JRK: variants seen among roughly 807,000 people sequenced by gnomAD.
JRK encodes the protein Jrk helix-turn-helix protein, also known as jerky protein homolog.
For synonymous variants in JRK, 303 were observed against 218.1 expected (o/e 1.39, Z -3.43); for missense variants, 720 against 509.2 (o/e 1.41, Z -3.98).
At chr8:142,653,242 AGAG>A (rs1194063314), downstream of JRK, among the ~76,000 whole-genome samples, 1 of 152,244 alleles carries the variant, frequency 6.6e-6, no homozygotes, top group African/African-American at 2.4e-5. Context: ...CACCAAGTTA[AGAG>A]GATGAGAGGG....
Position 142,661,108 on chromosome 8 carries a change from G to T in JRK, c.*3244C>A, listed in dbSNP as rs587596762. Reference sequence around the variant, plus strand: ...CGCATGCTCAGCCATGGCTGAGCACGAATGAAGCATATGGAAGTCACGCAC... The same window carrying T: ...CGCATGCTCAGCCATGGCTGAGCACTAATGAAGCATATGGAAGTCACGCAC... On this transcript the variant is annotated 3_prime_UTR_variant, in exon 2 of 2. Coordinates refer to ENST00000612905, the MANE Select transcript of JRK (RefSeq NM_003724.4). 8 of 985,492 alleles carry T rather than the reference G, an allele frequency of 8.1e-6. No individual in the cohort carries two copies. Among genetic ancestry groups the T allele is most frequent in the Non-Finnish European group, 9.6e-6 (8 of 829,974 alleles). The allele number at this position is 985,492 out of a possible 1,614,324, so 61.0% of individuals were successfully genotyped here.
chr8:142,648,230 C>A, the JRK span, among the ~76,000 whole-genome samples: 1 of 152,228 alleles, frequency 6.6e-6, no homozygotes, highest in South Asian at 2.1e-4. Flanking sequence ...ATGCCATTTT[C>A]TGAGGAGAAA....
rs1846783557 is a variant in JRK, at chr8:142,657,660, A to G, written c.*6692T>C. On this transcript the variant is annotated 3_prime_UTR_variant, in exon 2 of 2. Coordinates refer to ENST00000612905, the MANE Select transcript of JRK (RefSeq NM_003724.4). ...AGGCTCTTTTTAACAAACAGTTCTC[A>G]CAGAAACTAATCAAGTGAGAACTCA... 1 of 152,256 alleles carries G rather than the reference A, an allele frequency of 6.6e-6. No individual in the cohort carries two copies. The highest frequency in any genetic ancestry group is 6.5e-5 in the Admixed American group (1 of 15,288). 9.4% of individuals were successfully genotyped at this position (152,256 alleles called of 1,614,324 possible).
At position 142,661,514 on chromosome 8, in the gene JRK, A is replaced by G; in HGVS notation, c.*2838T>C. The G allele has an allele frequency of 2.0e-6, 2 of 985,504 alleles. No homozygotes were observed. Among genetic ancestry groups the G allele is most frequent in the Non-Finnish European group, 2.4e-6 (2 of 829,984 alleles). The allele number at this position is 985,504 out of a possible 1,614,324, so 61.0% of individuals were successfully genotyped here. Reference sequence around the variant, plus strand: ...GAAGCAGCCACAGAGGTCCCAAACCATATGACGCAGCACCTGCTACCCCAC... The same window carrying G: ...GAAGCAGCCACAGAGGTCCCAAACCGTATGACGCAGCACCTGCTACCCCAC... On this transcript the variant is annotated 3_prime_UTR_variant, in exon 2 of 2. Transcript: ENST00000612905.
At chr8:142,668,076 A>AG (rs1847188395) in intron 1 of JRK, among the ~76,000 whole-genome samples, 1 of 152,236 alleles carries the variant, frequency 6.6e-6, no homozygotes, top group African/African-American at 2.4e-5. Context: ...TGCTATGGGC[A>AG]GGGGTCTCCC....
chr8:142,666,352 A>C lies in JRK; in HGVS notation c.-294T>G. 4 of 504,136 alleles carry C rather than the reference A, an allele frequency of 7.9e-6. No homozygotes were observed. Among genetic ancestry groups the C allele is most frequent in the South Asian group, 2.2e-5 (1 of 45,198 alleles). 31.2% of individuals were successfully genotyped at this position (504,136 alleles called of 1,614,324 possible). A position where few individuals can be genotyped will look rare whatever the true frequency, so the allele number is the denominator to read the frequency against. ...TCTGTGGAGGAGGTGACCCTGTCAG[A>C]CTCCCCTCTGCTGCTCCACACGGCT... On this transcript the variant is annotated 5_prime_UTR_variant, in exon 2 of 2. Coordinates refer to ENST00000612905, the MANE Select transcript of JRK (RefSeq NM_003724.4).
At chr8:142,646,976 G>A in the JRK span, among the ~76,000 whole-genome samples, 1 of 152,138 alleles carries the variant, frequency 6.6e-6, no homozygotes, top group Non-Finnish European at 1.5e-5. Context: ...CATATTGAAG[G>A]AAATGACTCT....
At position 142,666,240 on chromosome 8, in the gene JRK, G is replaced by C. The variant is rs1011824823; in HGVS notation, c.-182C>G. On this transcript the variant is annotated 5_prime_UTR_variant, in exon 2 of 2. Coordinates refer to ENST00000612905, the MANE Select transcript of JRK (RefSeq NM_003724.4). ...TCTCGGGTTTCTCACTCCACACGCT[G>C]CACCTCCTGCCTCAGGTATCCCTGG... The C allele has an allele frequency of 9.7e-7, 1 of 1,035,846 alleles. No homozygotes were observed. 64.2% of individuals were successfully genotyped at this position (1,035,846 alleles called of 1,614,324 possible). A position where few individuals can be genotyped will look rare whatever the true frequency, so the allele number is the denominator to read the frequency against.
chr8:142,664,736 C>T lies in JRK; in HGVS notation c.1323G>A (p.Gly441=). The T allele has an allele frequency of 6.3e-7, 1 of 1,599,710 alleles. No individual in the cohort carries two copies. Among genetic ancestry groups the T allele is most frequent in the Non-Finnish European group, 8.5e-7 (1 of 1,173,858 alleles). Residue 441 remains glycine, a synonymous_variant, in exon 2 of 2, where the codon GGG becomes GGA. Coordinates refer to ENST00000612905, the MANE Select transcript of JRK (RefSeq NM_003724.4). The part of the protein sequence containing the change: ...QLRQRQAASW[G]VAGREAEGGR... The stretch of plus-strand genomic sequence containing the variant: ...CCCCTTCTGCCTCCCTTCCCGCTAC[C>T]CCCCAGCTGGCGGCCTGGCGCTGGC...
rs1847027509 is a variant in JRK, at chr8:142,664,572, G to A, written c.1487C>T (p.Ala496Val). The A allele has an allele frequency of 1.9e-6, 3 of 1,608,458 alleles. No homozygotes were observed. Among genetic ancestry groups the A allele is most frequent in the Admixed American group, 3.4e-5 (2 of 59,654 alleles). The change falls in exon 2 of 2, where the codon GCA becomes GTA. Residue 496 changes from alanine (A) to valine (V), a missense_variant. Physicochemically the swap from Ala to Val is moderately conservative, Grantham distance 64. Transcript: ENST00000612905. ...AWEQAAVAFD[A>V]VLRFAERQPC... Reference sequence around the variant, plus strand: ...CTGCCGCTCCGCAAAGCGCAGGACTGCGTCAAAGGCCACGGCCGCCTGCTC... The same window carrying A: ...CTGCCGCTCCGCAAAGCGCAGGACTACGTCAAAGGCCACGGCCGCCTGCTC...
the JRK span, among the ~76,000 whole-genome samples, chr8:142,644,973 A>G: frequency 6.6e-6 from 1 of 152,220 alleles, no homozygotes; most frequent in South Asian, 2.1e-4. Context: ...GACATTAATG[A>G]TTTATTTATA....
the JRK span, among the ~76,000 whole-genome samples, chr8:142,651,540 CTTTT>C: frequency 9.7e-6 from 1 of 103,132 alleles, no homozygotes; most frequent in Admixed American, 1.2e-4. Context: ...AAAAATCAAT[CTTTT>C]TTTTTTTTTT....
chr8:142,652,464 G>C (rs1207136394), downstream of JRK, among the ~76,000 whole-genome samples: 1 of 152,188 alleles, frequency 6.6e-6, no homozygotes, highest in Non-Finnish European at 1.5e-5. Context: ...GGGGCTTCCA[G>C]GTCATAGGTA....
downstream of JRK, among the ~76,000 whole-genome samples, chr8:142,654,223 T>C (rs1043187992): frequency 2.0e-5 from 3 of 152,104 alleles, no homozygotes; most frequent in Non-Finnish European, 2.9e-5. Flanking sequence ...CATTCTAGTG[T>C]ACCCTGACCT....
rs1467678664 is a variant in JRK, at chr8:142,657,922, T to C, written c.*6430A>G. The stretch of plus-strand genomic sequence containing the variant: ...AGTATGTGTGCAAGCACTGAACTGC[T>C]ATCTTGCGTACACAACTCCAGGGTC... On this transcript the variant is annotated 3_prime_UTR_variant, in exon 2 of 2. Transcript: ENST00000612905. The C allele has an allele frequency of 6.6e-6, 1 of 152,296 alleles. No homozygotes were observed. The highest frequency in any genetic ancestry group is 2.4e-5 in the African/African-American group (1 of 41,468). 9.4% of individuals were successfully genotyped at this position (152,296 alleles called of 1,614,324 possible). A position where few individuals can be genotyped will look rare whatever the true frequency, so the allele number is the denominator to read the frequency against.
Position 142,658,944 on chromosome 8 carries a change from C to A in JRK, c.*5408G>T. On this transcript the variant is annotated 3_prime_UTR_variant, in exon 2 of 2. Transcript: ENST00000612905. ...ACCACATCCTCAAGGCCCACAGTCT[C>A]CTGAAACAACAGAACTTTGCTGCTT... The A allele has an allele frequency of 6.2e-7, 1 of 1,612,824 alleles. No individual in the cohort carries two copies.
Position 142,664,270 on chromosome 8 carries a change from G to C in JRK, c.*82C>G. On this transcript the variant is annotated 3_prime_UTR_variant, in exon 2 of 2. Transcript: ENST00000612905. ...TGTCTGCACATGCCCTCCTGCCTCA[G>C]GTGGGGTCGGGGCACAGGACCATGC... 2 of 1,457,726 alleles carry C rather than the reference G, an allele frequency of 1.4e-6. No individual in the cohort carries two copies. The highest frequency in any genetic ancestry group is 1.8e-6 in the Non-Finnish European group (2 of 1,102,676). 90.3% of individuals were successfully genotyped at this position (1,457,726 alleles called of 1,614,324 possible). A position where few individuals can be genotyped will look rare whatever the true frequency, so the allele number is the denominator to read the frequency against.
At position 142,665,417 on chromosome 8, in the gene JRK, G is replaced by A. The variant is rs2129772713; in HGVS notation, c.642C>T (p.Asp214=). The part of the protein sequence containing the change: ...GAVPGPKQGK[D]RLTVLMCANA... ...TGGCACACATCAGCACGGTCAGCCG[G>A]TCCTTGCCCTGCTTGGGGCCAGGCA... The change falls in exon 2 of 2, where the codon GAC becomes GAT. Residue 214 remains aspartate (D), a synonymous_variant. Transcript: ENST00000612905. The A allele has an allele frequency of 1.4e-6, 1 of 717,762 alleles. No individual in the cohort carries two copies. Among genetic ancestry groups the A allele is most frequent in the African/African-American group, 1.7e-5 (1 of 57,374 alleles). The allele number at this position is 717,762 out of a possible 1,614,324, so 44.5% of individuals were successfully genotyped here.
chr8:142,655,879 T>C (rs940824839), downstream of JRK, among the ~76,000 whole-genome samples: 1 of 152,234 alleles, frequency 6.6e-6, no homozygotes, highest in Non-Finnish European at 1.5e-5. Context: ...TTAGTGGTTG[T>C]TCTAGGGATC....
Sources: gnomAD v4.1 joint callset for allele counts (sites outside exome capture counted in the v4.1 genomes callset) on GRCh38, gnomAD v4.1.1 for gene constraint, MANE v1.5 for transcripts, NCBI Gene and HGNC (gene_info 2026-07-23, HGNC 2026-07-21) for gene names.